DSCAML1: variants seen among roughly 807,000 people sequenced by gnomAD.
The protein encoded by DSCAML1 is cell adhesion molecule DSCAML1.
A neutral mutation model predicts 200.5 loss-of-function variants in DSCAML1; 38 were observed. The ratio of observed to expected loss-of-function variants is 0.19; its 90% confidence interval spans 0.15 to 0.25. The LOEUF (loss-of-function observed/expected upper bound fraction) is 0.25, where lower values mean the gene tolerates loss of function less well. Among genes scored for constraint, DSCAML1 ranks in the 10% least tolerant of loss-of-function variants. DSCAML1 has a pLI of 1.00. For synonymous variants in DSCAML1, 1,215 were observed against 1,165.0 expected, an observed-to-expected ratio of 1.04 and a Z score of -0.87; for missense variants, 2,223 against 2,858.8, an observed-to-expected ratio of 0.78 and a Z score of 5.07.
At chr11:117,458,723 C>T (rs2048421507) in intron 19 of DSCAML1, 31 bp downstream of exon 19, 1 of 1,606,804 alleles carries the variant, frequency 6.2e-7, no homozygotes, top group Non-Finnish European at 8.5e-7. Flanking sequence ...GTGGCAGGGC[C>T]AGCCTGTCCC....
chr11:117,809,038 TC>T (rs1197927440), intron 1 of DSCAML1, among the ~76,000 whole-genome samples: 1 of 152,190 alleles, frequency 6.6e-6, no homozygotes, highest in Non-Finnish European at 1.5e-5. Context: ...CTCTAGCAGC[TC>T]CGTCACTGCC....
rs923877033 is a variant in DSCAML1, at chr11:117,463,009, C to T, written c.3266-1413G>A. Reference sequence around the variant, plus strand: ...GGACAGAGGCCAGAGGTGGGCCTGGCGTGGCCCGGGTGGTGCATGGGAGCT... The same window carrying T: ...GGACAGAGGCCAGAGGTGGGCCTGGTGTGGCCCGGGTGGTGCATGGGAGCT... On this transcript the variant is annotated intron_variant, in intron 17 of 32. Coordinates refer to ENST00000651296, the MANE Select transcript of DSCAML1 (RefSeq NM_020693.4). This position sits in a 1 kb window ranked among gnomAD's most constrained non-coding sequence, Gnocchi z 4.0. Among the ~76,000 whole-genome samples the T allele has an allele frequency of 3.9e-5, 6 of 152,206 alleles. No individual in the cohort carries two copies. Among genetic ancestry groups the T allele is most frequent in the Admixed American group, 2.0e-4 (3 of 15,284 alleles).
chr11:117,537,446 C>G (rs1343035852), intron 3 of DSCAML1, among the ~76,000 whole-genome samples: 1 of 152,158 alleles, frequency 6.6e-6, no homozygotes, highest in Non-Finnish European at 1.5e-5. Context: ...CAAAGGGGGG[C>G]TGGGCCACCA....
intron 3 of DSCAML1, among the ~76,000 whole-genome samples, chr11:117,672,118 AAAAAAG>A (rs1424815149): frequency 5.3e-5 from 8 of 150,882 alleles, no homozygotes; most frequent in African/African-American, 9.8e-5. Flanking sequence ...AAAAAAAAAA[AAAAAAG>A]AAGAAACCTT....
chr11:117,457,984 A>G (rs648384), intron 19 of DSCAML1, among the ~76,000 whole-genome samples: 66,730 of 152,058 alleles, frequency 0.44, 14,820 homozygotes, highest in Admixed American at 0.49. Context: ...TGAAACAACT[A>G]AATGATGGAG....
chr11:117,633,757 C>T (rs745738008), intron 3 of DSCAML1, among the ~76,000 whole-genome samples: 38 of 152,192 alleles, frequency 2.5e-4, no homozygotes, highest in South Asian at 4.1e-4. Flanking sequence ...AAACGCAGCA[C>T]GGCAGGCAGA....
chr11:117,437,291 G>A lies in DSCAML1; in HGVS notation c.4551C>T (p.Tyr1517=), dbSNP rs772986696. 1.9e-5 allele frequency: 31 copies of A among 1,614,152 alleles called. No individual in the cohort carries two copies. The highest frequency in any genetic ancestry group is 1.6e-4 in the Middle Eastern group (1 of 6,084). ...GCCAGGCCCAGGTCCCCTTGGGCCG[G>A]TACTCCAGAACGATGGCTGTGATAG... is the stretch of plus-strand genomic sequence containing the variant. ...GCPITAIVLE[Y]RPKGTWAWQG... is the part of the protein sequence containing the mutation. Residue 1517 remains tyrosine (Y), a synonymous_variant, in exon 26 of 33, where the codon TAC becomes TAT. Transcript: ENST00000651296. The surrounding 1 kb of genome is among the most constrained non-coding windows in gnomAD (Gnocchi z 5.3).
Position 117,498,349 on chromosome 11 carries a change from G to T in DSCAML1, c.2359+5496C>A, listed in dbSNP as rs564134491. On this transcript the variant is annotated intron_variant, in intron 11 of 32. Coordinates refer to ENST00000651296, the MANE Select transcript of DSCAML1 (RefSeq NM_020693.4). The surrounding 1 kb of genome is among the most constrained non-coding windows in gnomAD (Gnocchi z 4.0). ...TCCCTCAGCTCTAGGGGTCACGGCG[G>T]TGGCAGGGCCCATCCGTGGGAGGAC... Among the ~76,000 whole-genome samples the T allele has an allele frequency of 1.3e-5, 2 of 152,370 alleles. No homozygotes were observed. Among genetic ancestry groups the T allele is most frequent in the African/African-American group, 4.8e-5 (2 of 41,588 alleles).
At chr11:117,650,437 C>G (rs12365289) in intron 3 of DSCAML1, among the ~76,000 whole-genome samples, 40,199 of 150,984 alleles carry the variant, frequency 0.27, 6,227 homozygotes, top group Admixed American at 0.32. Context: ...TGAATGAATG[C>G]CCTGAAGAGA....
At chr11:117,769,230 A>T (rs763359233) in intron 3 of DSCAML1, among the ~76,000 whole-genome samples, 1 of 26,690 alleles carries the variant, frequency 3.7e-5, no homozygotes, top group African/African-American at 1.4e-4. Flanking sequence ...TATTGTATAT[A>T]TTATATATTT....
chr11:117,591,874 C>T (rs1051823301), intron 3 of DSCAML1, among the ~76,000 whole-genome samples: 1 of 152,170 alleles, frequency 6.6e-6, no homozygotes, highest in Non-Finnish European at 1.5e-5. Context: ...ACCAGGTCAG[C>T]CCAGGCTCTA....
chr11:117,773,633 G>T (rs73587439), intron 3 of DSCAML1, among the ~76,000 whole-genome samples: 3 of 151,370 alleles, frequency 2.0e-5, no homozygotes, highest in Admixed American at 6.6e-5. Context: ...ATAAAAAATC[G>T]AACTACTTTC....
intron 18 of DSCAML1, among the ~76,000 whole-genome samples, chr11:117,461,203 C>T (rs1346292505): frequency 1.4e-4 from 21 of 151,812 alleles, no homozygotes; most frequent in African/African-American, 5.1e-4. Context: ...CACCCCCCCA[C>T]CTTGCTCCTG....
intron 3 of DSCAML1, among the ~76,000 whole-genome samples, chr11:117,592,995 ATACT>A (rs1459507508): frequency 6.6e-6 from 1 of 152,270 alleles, no homozygotes; most frequent in Non-Finnish European, 1.5e-5. Context: ...GGGGCTAATG[ATACT>A]TACCCCAGAG....
chr11:117,724,353 G>A (rs987855817), intron 3 of DSCAML1, among the ~76,000 whole-genome samples: 3 of 152,170 alleles, frequency 2.0e-5, no homozygotes, highest in Admixed American at 2.0e-4. Flanking sequence ...ATTATGGACT[G>A]GAGCGGGAAA....
chr11:117,805,615 G>A (rs1440842463), intron 1 of DSCAML1, among the ~76,000 whole-genome samples: 1 of 152,152 alleles, frequency 6.6e-6, no homozygotes, highest in Non-Finnish European at 1.5e-5. Context: ...TACAGTATGA[G>A]GTTTTGGGGG....
intron 3 of DSCAML1, among the ~76,000 whole-genome samples, chr11:117,747,256 C>A (rs75246079): frequency 0.043 from 6,521 of 152,258 alleles, 443 homozygotes; most frequent in African/African-American, 0.15. Flanking sequence ...AATCAAGCAC[C>A]GCAGATTTTT....
Position 117,428,400 on chromosome 11 carries a change from C to T in DSCAML1, c.6090G>A (p.Met2030Ile). The stretch of plus-strand genomic sequence containing the variant: ...GAGACCTCCCTACCCCCGATGTGCT[C>T]ATCTCGAGAAGCGAGTCCCTGGAGC... ...MGGSRDSLLE[M>I]STSGVGRSQK... Residue 2030 changes from methionine (M) to isoleucine (I), a missense_variant, in exon 33 of 33, where the codon ATG (methionine) becomes ATA (isoleucine). Physicochemically the swap from Met to Ile is conservative, Grantham distance 10 (BLOSUM62 1). Transcript: ENST00000651296. 6.3e-7 allele frequency: 1 copy of T among 1,577,452 alleles called. No homozygotes were observed. The highest frequency in any genetic ancestry group is 2.2e-5 in the East Asian group (1 of 44,552).
At chr11:117,559,605 C>G (rs1256380446) in intron 3 of DSCAML1, among the ~76,000 whole-genome samples, 2 of 152,122 alleles carry the variant, frequency 1.3e-5, no homozygotes, top group African/African-American at 4.8e-5. Flanking sequence ...TGGTGCCCCG[C>G]AATACGTGCC....
Sources: allele counts gnomAD v4.1 joint callset (sites outside exome capture counted in the v4.1 genomes callset), GRCh38; gene constraint gnomAD v4.1.1; non-coding constraint Gnocchi (gnomAD v3.1); transcripts MANE v1.5; gene names NCBI Gene and HGNC (gene_info 2026-07-23, HGNC 2026-07-21).